VCL: variants seen among roughly 807,000 people sequenced by gnomAD.
The protein encoded by VCL is vinculin.
A neutral mutation model predicts 125.7 loss-of-function variants in VCL; 47 were observed. The ratio of observed to expected loss-of-function variants is 0.37; its 90% CI spans 0.30 to 0.48. VCL has a LOEUF of 0.48. VCL is among the 20% of genes least tolerant of loss of function. The pLI is 0.99. For missense variants in VCL, 1,069 were observed against 1,455.5 expected (o/e 0.73, Z 4.32); for synonymous variants, 458 against 514.6 (o/e 0.89, Z 1.49).
rs768157349 is a variant in VCL at position 74,111,904 on chromosome 10, C to T, written c.2746-5C>T. ...TATTTCTCATCCTTCCCGCCATCGA[C>T]AAAGCCGGGCATCCCAGCCGCTGAG... is the stretch of plus-strand genomic sequence containing the variant. On this transcript the variant is annotated splice_polypyrimidine_tract_variant and splice_region_variant and intron_variant, in intron 18 of 21. Coordinates refer to ENST00000211998, the MANE Select transcript of VCL (RefSeq NM_014000.3). The T allele has an allele frequency of 6.2e-7, 1 of 1,614,212 alleles. No homozygotes were observed. Among genetic ancestry groups the T allele is most frequent in the South Asian group, 1.1e-5 (1 of 91,084 alleles).
chr10:74,105,303 C>G lies in VCL; in HGVS notation c.2384C>G (p.Ser795Cys). The G allele has an allele frequency of 6.2e-7, 1 of 1,613,278 alleles. No individual in the cohort carries two copies. Among genetic ancestry groups the G allele is most frequent in the Non-Finnish European group, 8.5e-7 (1 of 1,180,014 alleles). ...AASDELSKTI[S>C]PMVMDAKAVA... Reference sequence around the variant, plus strand: ...TCTGATGAATTGAGCAAAACCATCTCCCCGATGGTGATGGATGCAAAAGCT... The same window carrying G: ...TCTGATGAATTGAGCAAAACCATCTGCCCGATGGTGATGGATGCAAAAGCT... The change falls in exon 16 of 22, where the codon TCC becomes TGC. Residue 795 changes from serine (S) to cysteine (C), a missense_variant. This residue lies in a region of VCL where 760 missense variants were observed against 928.9 expected (regional missense o/e 0.82). Coordinates refer to ENST00000211998, the MANE Select transcript of VCL (RefSeq NM_014000.3).
At chr10:74,021,878 C>CT (rs1483826457) in intron 1 of VCL, among the ~76,000 whole-genome samples, 1 of 151,870 alleles carries the variant, frequency 6.6e-6, no homozygotes, top group Non-Finnish European at 1.5e-5. Context: ...CCTTTTACAT[C>CT]TTTTTTCTTC....
At chr10:74,095,056 T>C (rs1839944744) in intron 11 of VCL, among the ~76,000 whole-genome samples, 1 of 152,138 alleles carries the variant, frequency 6.6e-6, no homozygotes, top group Non-Finnish European at 1.5e-5. Flanking sequence ...CTTTCTAAAT[T>C]TGGTATTAGA....
chr10:74,035,421 C>A (rs1175249568), intron 1 of VCL, among the ~76,000 whole-genome samples: 2 of 152,136 alleles, frequency 1.3e-5, no homozygotes, highest in African/African-American at 4.8e-5. Context: ...TTTAAATTAA[C>A]TACTGAACAA....
At chr10:74,067,350 C>G (rs1841586323) in intron 2 of VCL, among the ~76,000 whole-genome samples, 1 of 151,700 alleles carries the variant, frequency 6.6e-6, no homozygotes, top group South Asian at 2.1e-4. Context: ...TGAGATACCA[C>G]TTCACACCTG....
At chr10:74,053,802 G>T (rs1039195602) in intron 2 of VCL, among the ~76,000 whole-genome samples, 13 of 151,848 alleles carry the variant, frequency 8.6e-5, no homozygotes, top group Admixed American at 7.2e-4. Flanking sequence ...GTAGAGACAG[G>T]GTTTCACTAT....
intron 1 of VCL, among the ~76,000 whole-genome samples, chr10:74,023,065 G>T (rs1653716055): frequency 6.6e-6 from 1 of 152,182 alleles, no homozygotes. Flanking sequence ...TGAATCATTA[G>T]AAGTGAACTT....
At chr10:74,049,898 T>C (rs1355233668) in intron 2 of VCL, among the ~76,000 whole-genome samples, 2 of 151,598 alleles carry the variant, frequency 1.3e-5, no homozygotes, top group East Asian at 1.9e-4. Context: ...TTGCTTCAGA[T>C]TGATTCCTTA....
intron 1 of VCL, among the ~76,000 whole-genome samples, chr10:74,037,999 CTTTTTT>C (rs56198344): frequency 2.3e-5 from 3 of 130,060 alleles, no homozygotes; most frequent in South Asian, 2.2e-4. Context: ...CTTTTCTTTT[CTTTTTT>C]TTTTTTTTTT....
At chr10:74,003,133 C>T (rs1287814161) in intron 1 of VCL, among the ~76,000 whole-genome samples, 2 of 151,394 alleles carry the variant, frequency 1.3e-5, no homozygotes, top group South Asian at 2.1e-4. Flanking sequence ...AGTGCAGTGG[C>T]GTGACCTCAG....
intron 2 of VCL, among the ~76,000 whole-genome samples, chr10:74,060,278 C>T (rs190065197): frequency 2.6e-5 from 4 of 152,218 alleles, no homozygotes; most frequent in Middle Eastern, 3.4e-3. Flanking sequence ...GCACTCCACC[C>T]TGGGTAACAG....
At chr10:74,111,854 G>A (rs1840224096) in intron 18 of VCL, 55 bp from the exon 19 acceptor site, 7 of 1,605,032 alleles carry the variant, frequency 4.4e-6, no homozygotes, top group Middle Eastern at 1.7e-4. Context: ...TTCCCAAGTC[G>A]TATTGCTCTT....
At chr10:74,072,075 T>C (rs566382290) in intron 4 of VCL, among the ~76,000 whole-genome samples, 23 of 152,280 alleles carry the variant, frequency 1.5e-4, no homozygotes, top group African/African-American at 5.1e-4. Flanking sequence ...CTAGGAGTAA[T>C]TTGAAAATCA....
intron 20 of VCL, 95 bp downstream of exon 20, chr10:74,114,482 C>T: frequency 1.4e-6 from 2 of 1,454,570 alleles, no homozygotes; most frequent in Non-Finnish European, 9.4e-7. Context: ...GGGAGAAAAG[C>T]AGGAGAGAAA....
intron 14 of VCL, among the ~76,000 whole-genome samples, chr10:74,101,360 C>G (rs932265571): frequency 4.6e-5 from 7 of 151,726 alleles, no homozygotes; most frequent in African/African-American, 1.5e-4. Context: ...GTGGCGCATG[C>G]CTGTGAACAC....
rs774357613 is a variant in VCL, at chr10:74,114,884, TGAG to T, written c.3247_3249del (p.Glu1083del). On this transcript the variant is annotated inframe_deletion, in exon 21 of 22. Transcript: ENST00000211998. The stretch of plus-strand genomic sequence containing the variant: ...TGCTGGGCCGGACCAACATCAGTGA[TGAG>T]GAGTCTGAGCAGGTATGTGGCAGCT... 1.3e-6 allele frequency: 2 copies of T among 1,594,634 alleles called. No homozygotes were observed. Among genetic ancestry groups the T allele is most frequent in the Non-Finnish European group, 8.5e-7 (1 of 1,170,544 alleles).
In VCL at chr10:74,083,507, G is replaced by A. The variant is rs1181109595; in HGVS notation, c.1016G>A (p.Arg339His). Residue 339 changes from arginine to histidine, a missense_variant, in exon 8 of 22, where the codon CGT becomes CAT. Around this residue, in one of 6 missense-constraint regions of VCL, gnomAD observed 760 missense variants for 928.9 expected, o/e 0.82. Transcript: ENST00000211998. ...ATGACTGATCAAGTGGCTGACCTCC[G>A]TGCCAGGTAAAAGTTCCTCTGTCCT... Reference protein sequence around the residue: ...GQMTDQVADLRARGQGSSPVA... With the variant: ...GQMTDQVADLHARGQGSSPVA... 6.2e-7 allele frequency: 1 copy of A among 1,613,812 alleles called. No individual in the cohort carries two copies. The highest frequency in any genetic ancestry group is 1.1e-5 in the South Asian group (1 of 91,064).
At chr10:74,084,335 G>A (rs779855015) in intron 8 of VCL, among the ~76,000 whole-genome samples, 33 of 150,982 alleles carry the variant, frequency 2.2e-4, no homozygotes, top group Non-Finnish European at 2.5e-4. Flanking sequence ...TCTGTCACCC[G>A]GGCTGGCATG....
At chr10:74,016,499 T>C (rs538792793) in intron 1 of VCL, among the ~76,000 whole-genome samples, 3 of 152,138 alleles carry the variant, frequency 2.0e-5, no homozygotes, top group Admixed American at 2.0e-4. Context: ...TAGTCCCAGC[T>C]ACTTGGGAGG....
Sources: gnomAD v4.1 joint callset for allele counts (sites outside exome capture counted in the v4.1 genomes callset) on GRCh38, gnomAD v4.1.1 for gene constraint, gnomAD v4.1.1 regional missense constraint, MANE v1.5 for transcripts, NCBI Gene and HGNC (gene_info 2026-07-23, HGNC 2026-07-21) for gene names.